The following HAL variants were observed in gnomAD, a reference collection of about 807,000 sequenced individuals.
HAL encodes the protein histidase.
Under a neutral mutation model 81.1 loss-of-function variants are expected in HAL, and 85 were observed. The observed-to-expected ratio is 1.05, with a 90% CI of 0.88 to 1.25. The LOEUF is 1.25. Among genes scored for constraint, HAL ranks in the 50% most tolerant of loss-of-function variants. The pLI is 0.00. For missense variants in HAL, 798 were observed against 836.6 expected, an observed-to-expected ratio of 0.95 and a Z score of 0.57; for synonymous variants, 301 against 309.2, an observed-to-expected ratio of 0.97 and a Z score of 0.28.
chr12:95,978,380 T>A (rs551297601), intron 17 of HAL, among the ~76,000 whole-genome samples: 1 of 152,098 alleles, frequency 6.6e-6, no homozygotes, highest in African/African-American at 2.4e-5. Flanking sequence ...CCAGGGAGAC[T>A]AGGGGAGAAA....
Position 95,974,038 on chromosome 12 carries a change from C to T in HAL, c.*194G>A, listed in dbSNP as rs2080685552. ...TGAAAATACCTGGTGGGTCTTGAAC[C>T]ACGACAACAGGAACACAGTGCTGAA... On this transcript the variant is annotated 3_prime_UTR_variant, in exon 21 of 21. Transcript: ENST00000261208. The T allele has an allele frequency of 1.5e-6, 1 of 651,498 alleles. No individual in the cohort carries two copies. The highest frequency in any genetic ancestry group is 2.6e-5 in the East Asian group (1 of 38,310). The allele number at this position is 651,498 out of a possible 1,614,324, so 40.4% of individuals were successfully genotyped here.
In HAL at chr12:95,995,830, C is replaced by T. The variant is rs1255464740; in HGVS notation, c.81G>A (p.Leu27=). The change falls in exon 2 of 21, where the codon CTG becomes CTA. Residue 27 remains leucine (L), a synonymous_variant. Coordinates refer to ENST00000261208, the MANE Select transcript of HAL (RefSeq NM_002108.4). ...CQDAQLTVGW[L]GREAVRRYIK... ...TATAGCGCCTCACGGCCTCCCGGCC[C>T]AGCCAGCCCACAGTGAGCTGCGCGT... 6.2e-7 allele frequency: 1 copy of T among 1,611,826 alleles called. No homozygotes were observed.
chr12:95,988,517 G>C (rs758750687), intron 10 of HAL, among the ~76,000 whole-genome samples: 1 of 152,066 alleles, frequency 6.6e-6, no homozygotes, highest in Non-Finnish European at 1.5e-5. Context: ...TACGTCCTTC[G>C]TGTTCAGTTT....
rs138015355 is a variant in HAL, at chr12:95,977,681, A to G, written c.1654+263T>C. Among the ~76,000 whole-genome samples, 314 of 150,512 alleles carry G rather than the reference A, an allele frequency of 2.1e-3. 2 individuals are homozygous for G. The highest frequency in any genetic ancestry group is 6.8e-3 in the African/African-American group (278 of 40,960). ...AAAAAAGAGAAAAAAAAAGCCAGCC[A>G]AAGGACCAGCTTAGTTCTGCATGGT... On this transcript the variant is annotated intron_variant, in intron 18 of 20. Transcript: ENST00000261208.
At chr12:95,974,592 G>A (rs189698805) in intron 20 of HAL, among the ~76,000 whole-genome samples, 202 of 152,228 alleles carry the variant, frequency 1.3e-3, no homozygotes, top group Admixed American at 3.3e-3. Flanking sequence ...ACTTTCTAAA[G>A]TCATCATAAA....
chr12:95,995,129 A>G, intron 2 of HAL, 136 bp from the exon 3 acceptor site: 1 of 739,172 alleles, frequency 1.4e-6, no homozygotes, highest in Admixed American at 2.0e-5. Flanking sequence ...AGATGGTTTC[A>G]TGTGGTCTTA....
chr12:95,982,267 C>A (rs2080803903), intron 15 of HAL, among the ~76,000 whole-genome samples: 1 of 152,122 alleles, frequency 6.6e-6, no homozygotes, highest in South Asian at 2.1e-4. Context: ...AGAGAACTCC[C>A]AAATATTAGC....
At chr12:95,992,941 G>T in intron 8 of HAL, 136 bp from the exon 9 acceptor site, 1 of 788,678 alleles carries the variant, frequency 1.3e-6, no homozygotes. Flanking sequence ...TCAGGTAGTT[G>T]GACTACTCTC....
chr12:95,993,884 T>C, intron 6 of HAL, 42 bp downstream of exon 6: 2 of 1,484,070 alleles, frequency 1.3e-6, no homozygotes, highest in Non-Finnish European at 1.9e-6. Flanking sequence ...GGGATTTTTG[T>C]TTGTTTATAA....
At chr12:95,983,522 C>T (rs1949836378) in intron 15 of HAL, among the ~76,000 whole-genome samples, 1 of 152,254 alleles carries the variant, frequency 6.6e-6, no homozygotes, top group Non-Finnish European at 1.5e-5. Flanking sequence ...GAGAGGCCTG[C>T]ATAAATTGTT....
Position 95,981,727 on chromosome 12 carries a change from T to G in HAL, c.1288-864A>C, listed in dbSNP as rs541928999. Among the ~76,000 whole-genome samples, 3 of 152,330 alleles carry G rather than the reference T, an allele frequency of 2.0e-5. No homozygotes were observed. The East Asian group carries it at 5.8e-4, about 29-fold the overall frequency. ...AGCCCACCTTGGCCTCCCAAAGTGC[T>G]GGGATTACAGGTGTGAGCCACCAAA... On this transcript the variant is annotated intron_variant, in intron 15 of 20. Coordinates refer to ENST00000261208, the MANE Select transcript of HAL (RefSeq NM_002108.4).
chr12:95,993,976 C>T lies in HAL; in HGVS notation c.434G>A (p.Arg145Lys). Residue 145 changes from arginine to lysine, a missense_variant, in exon 6 of 21, where the codon AGG (arginine) becomes AAG (lysine). Coordinates refer to ENST00000261208, the MANE Select transcript of HAL (RefSeq NM_002108.4). ...KIKLTPTAEK[R>K]VQKSREVIDS... Reference sequence around the variant, plus strand: ...TATGACCTCCCTGGATTTCTGCACCCTCTTCTCAGCTGTTGGGGTGAGCTA... The same window carrying T: ...TATGACCTCCCTGGATTTCTGCACCTTCTTCTCAGCTGTTGGGGTGAGCTA... 6.2e-7 allele frequency: 1 copy of T among 1,612,016 alleles called. No homozygotes were observed. Among genetic ancestry groups the T allele is most frequent in the Non-Finnish European group, 8.5e-7 (1 of 1,178,104 alleles).
intron 4 of HAL, among the ~76,000 whole-genome samples, 165 bp from the exon 5 acceptor site, chr12:95,994,329 G>A (rs1950007175): frequency 6.6e-6 from 1 of 152,214 alleles, no homozygotes; most frequent in Non-Finnish European, 1.5e-5. Context: ...AGGCTTATTG[G>A]TGCAAAAGCA....
At chr12:95,977,881 T>C (rs1287932281) in intron 18 of HAL, 63 bp downstream of exon 18, 14 of 1,586,304 alleles carry the variant, frequency 8.8e-6, no homozygotes, top group East Asian at 2.2e-5. Context: ...GAGATCCCAC[T>C]TGAGAACCAC....
At chr12:95,976,568 T>TG (rs1565984419) in intron 19 of HAL, 30 bp downstream of exon 19, 2 of 1,591,456 alleles carry the variant, frequency 1.3e-6, no homozygotes, top group South Asian at 2.2e-5. Flanking sequence ...GCTGAACTGA[T>TG]GTAATTTTCA....
chr12:95,973,172 G>A lies in HAL; in HGVS notation c.*1060C>T, dbSNP rs1423326210. The A allele has an allele frequency of 6.6e-6, 1 of 152,204 alleles. No individual in the cohort carries two copies. The highest frequency in any genetic ancestry group is 1.5e-5 in the Non-Finnish European group (1 of 68,030). The allele number at this position is 152,204 out of a possible 1,614,324, so 9.4% of individuals were successfully genotyped here. A position where few individuals can be genotyped will look rare whatever the true frequency, so the allele number is the denominator to read the frequency against. On this transcript the variant is annotated 3_prime_UTR_variant, in exon 21 of 21. Coordinates refer to ENST00000261208, the MANE Select transcript of HAL (RefSeq NM_002108.4). ...GAGCCACGGTTTCAGACCACTTGAA[G>A]GGCCTTGCACATATATGCACACACT...
chr12:95,982,501 G>A (rs1565987895), intron 15 of HAL, among the ~76,000 whole-genome samples: 1 of 152,220 alleles, frequency 6.6e-6, no homozygotes, highest in African/African-American at 2.4e-5. Context: ...ACAGTGAAAA[G>A]ACTGGTACGT....
intron 9 of HAL, 128 bp from the exon 10 acceptor site, chr12:95,990,660 T>C (rs1949957957): frequency 2.6e-6 from 2 of 768,824 alleles, no homozygotes; most frequent in Non-Finnish European, 4.7e-6. Context: ...ATGGCATAGA[T>C]ACCTGGGGAA....
intron 14 of HAL, 132 bp from the exon 15 acceptor site, chr12:95,984,123 C>A: frequency 1.6e-6 from 1 of 618,118 alleles, no homozygotes; most frequent in South Asian, 1.8e-5. Context: ...AAGTTATAAC[C>A]ATGGAAATTA....
Sources: gnomAD v4.1 joint callset for allele counts (sites outside exome capture counted in the v4.1 genomes callset) on GRCh38, gnomAD v4.1.1 for gene constraint, MANE v1.5 for transcripts, NCBI Gene and HGNC (gene_info 2026-07-23, HGNC 2026-07-21) for gene names.